Variants in PHF24 observed in about 807,000 individuals in gnomAD.
PHF24 encodes the protein PHD finger protein 24, also known as Galpha inhibitory interacting protein.
In PHF24, 25 loss-of-function variants were observed where a neutral mutation model predicts 42.6. The ratio of observed to expected loss-of-function variants is 0.59; its 90% CI spans 0.43 to 0.82. The LOEUF is 0.82. PHF24 is among the 40% of genes least tolerant of loss of function. PHF24 has a pLI of 0.00. For synonymous variants in PHF24, 185 were observed against 204.8 expected, an observed-to-expected ratio of 0.90 and a Z score of 0.83; for missense variants, 470 against 538.1, an observed-to-expected ratio of 0.87 and a Z score of 1.25.
chr9:34,801,987 G>A, the PHF24 span, among the ~76,000 whole-genome samples: 1 of 152,044 alleles, frequency 6.6e-6, no homozygotes, highest in African/African-American at 2.4e-5. Flanking sequence ...ATGATGGGTT[G>A]ATAGGTGCAG....
the PHF24 span, among the ~76,000 whole-genome samples, chr9:34,769,002 A>G: frequency 6.6e-6 from 1 of 152,308 alleles, no homozygotes; most frequent in South Asian, 2.1e-4. Flanking sequence ...TGACAATTAG[A>G]AGATATATTG....
At chr9:34,755,647 T>A in the PHF24 span, among the ~76,000 whole-genome samples, 293 of 152,006 alleles carry the variant, frequency 1.9e-3, no homozygotes, top group African/African-American at 6.8e-3. Flanking sequence ...ATTAATATTT[T>A]AATTTTATTA....
the PHF24 span, among the ~76,000 whole-genome samples, chr9:34,807,104 A>G: frequency 9.9e-5 from 15 of 152,216 alleles, no homozygotes; most frequent in Non-Finnish European, 2.2e-4. Flanking sequence ...GAGAGTGGAC[A>G]TACTTGTTTT....
the PHF24 span, among the ~76,000 whole-genome samples, chr9:34,763,863 A>G: frequency 6.6e-6 from 1 of 152,220 alleles, no homozygotes; most frequent in African/African-American, 2.4e-5. Flanking sequence ...TTATTTTGAG[A>G]TAAGTCCCAT....
the PHF24 span, among the ~76,000 whole-genome samples, chr9:34,820,331 C>T: frequency 1.3e-5 from 2 of 152,092 alleles, no homozygotes; most frequent in East Asian, 3.9e-4. Flanking sequence ...TATTTCATCA[C>T]CCAGGTAATA....
At chr9:34,709,981 C>T in the PHF24 span, 5 of 1,614,090 alleles carry the variant, frequency 3.1e-6, no homozygotes, top group East Asian at 2.2e-5. Context: ...CCATGCAAGG[C>T]CCCTCCCTGC....
the PHF24 span, among the ~76,000 whole-genome samples, chr9:34,936,197 T>G: frequency 3.3e-5 from 5 of 152,256 alleles, no homozygotes; most frequent in South Asian, 1.0e-3. Flanking sequence ...GCCTGCCGAG[T>G]GCCTGCCATT....
chr9:34,967,238 C>T (rs1419718762), intron 1 of PHF24, among the ~76,000 whole-genome samples: 3 of 152,142 alleles, frequency 2.0e-5, no homozygotes, highest in Non-Finnish European at 4.4e-5. Context: ...TCCTTATATC[C>T]TTGTCTTTTA....
the PHF24 span, among the ~76,000 whole-genome samples, chr9:34,802,166 A>G: frequency 6.6e-6 from 1 of 151,628 alleles, no homozygotes; most frequent in Non-Finnish European, 1.5e-5. Context: ...TAATCTGCCC[A>G]TCAACTCCTT....
At chr9:34,699,162 T>A in the PHF24 span, among the ~76,000 whole-genome samples, 1 of 152,270 alleles carries the variant, frequency 6.6e-6, no homozygotes, top group Non-Finnish European at 1.5e-5. Flanking sequence ...TTTCAGAAGG[T>A]ATGAATAAAG....
chr9:34,966,059 T>C (rs903538000), intron 1 of PHF24, among the ~76,000 whole-genome samples: 9 of 152,188 alleles, frequency 5.9e-5, no homozygotes, highest in Admixed American at 4.6e-4. Context: ...CGTATAGCCC[T>C]AAGAACAAAG....
the PHF24 span, among the ~76,000 whole-genome samples, chr9:34,934,428 C>A: frequency 6.6e-6 from 1 of 152,092 alleles, no homozygotes; most frequent in Admixed American, 6.5e-5. Context: ...AGTTTAATCA[C>A]CCCATCGCAA....
chr9:34,807,316 A>T, the PHF24 span, among the ~76,000 whole-genome samples: 1 of 152,282 alleles, frequency 6.6e-6, no homozygotes, highest in East Asian at 1.9e-4. Context: ...TGCCAACGGG[A>T]TTGCTCCTCT....
At chr9:34,924,407 A>G in the PHF24 span, among the ~76,000 whole-genome samples, 2 of 150,514 alleles carry the variant, frequency 1.3e-5, no homozygotes, top group Non-Finnish European at 3.0e-5. Flanking sequence ...ATAAGGGTCT[A>G]TCTCTCTAGC....
chr9:34,737,736 T>C, the PHF24 span, among the ~76,000 whole-genome samples: 16 of 152,232 alleles, frequency 1.1e-4, no homozygotes, highest in African/African-American at 3.4e-4. Flanking sequence ...CCAGGATGAA[T>C]TGTGATTTCT....
At chr9:34,833,516 G>A in the PHF24 span, 1 of 1,551,468 alleles carries the variant, frequency 6.4e-7, no homozygotes, top group Non-Finnish European at 8.7e-7. Context: ...ACTTTCAAGA[G>A]ACTTCTGTGT....
chr9:34,887,493 T>C, the PHF24 span, among the ~76,000 whole-genome samples: 2 of 152,294 alleles, frequency 1.3e-5, no homozygotes, highest in East Asian at 3.9e-4. Flanking sequence ...CTGCTTTAGG[T>C]TCACTGGCTT....
At chr9:34,812,227 CACAT>C in the PHF24 span, among the ~76,000 whole-genome samples, 1,960 of 152,126 alleles carry the variant, frequency 0.013, 47 homozygotes, top group African/African-American at 0.045. Context: ...ACAAAACAAA[CACAT>C]ACGTACACAA....
the PHF24 span, among the ~76,000 whole-genome samples, chr9:34,794,800 T>TA: frequency 6.6e-6 from 1 of 152,084 alleles, no homozygotes; most frequent in Non-Finnish European, 1.5e-5. Flanking sequence ...AAAGATTTTT[T>TA]AAAAAAGAAT....
Sources: allele counts gnomAD v4.1 joint callset (sites outside exome capture counted in the v4.1 genomes callset), GRCh38; gene constraint gnomAD v4.1.1; transcripts MANE v1.5; gene names NCBI Gene and HGNC (gene_info 2026-07-23, HGNC 2026-07-21).